The following SNCAIP variants were observed in gnomAD, a reference collection of about 807,000 sequenced individuals.
The protein encoded by SNCAIP is synphilin-1.
In SNCAIP, 43 loss-of-function variants were observed where a neutral mutation model predicts 86.7. That is an observed-to-expected ratio of 0.50 (90% CI 0.39 to 0.64). SNCAIP has a LOEUF of 0.64. Among genes scored for constraint, SNCAIP ranks in the 30% least tolerant of loss-of-function variants. SNCAIP has a pLI of 0.00. For missense variants in SNCAIP, 981 were observed against 1,103.1 expected, an observed-to-expected ratio of 0.89 and a Z score of 1.57; for synonymous variants, 417 against 427.2, an observed-to-expected ratio of 0.98 and a Z score of 0.29.
At chr5:122,411,449 A>AGTT in intron 3 of SNCAIP, among the ~76,000 whole-genome samples, 1 of 152,138 alleles carries the variant, frequency 6.6e-6, no homozygotes, top group Non-Finnish European at 1.5e-5. Flanking sequence ...ACAGCACCCC[A>AGTT]GTTCTTCCTG....
At chr5:122,373,872 C>T (rs573945174) in intron 1 of SNCAIP, among the ~76,000 whole-genome samples, 1 of 152,240 alleles carries the variant, frequency 6.6e-6, no homozygotes, top group Non-Finnish European at 1.5e-5. Flanking sequence ...CAAGCCTGGA[C>T]CAACAGAAGC....
At position 122,364,705 on chromosome 5, in the gene SNCAIP, T is replaced by A. The variant is rs1231341023; in HGVS notation, c.-46-26384T>A. Among the ~76,000 whole-genome samples the A allele has an allele frequency of 5.3e-5, 8 of 151,956 alleles. No homozygotes were observed. The East Asian group carries it at 5.8e-4, about 11-fold the overall frequency. On this transcript the variant is annotated intron_variant, in intron 1 of 10. Coordinates refer to ENST00000261368, the MANE Select transcript of SNCAIP (RefSeq NM_005460.4). ...AGGCCAAGTTGCTTTCATGTAAAAA[T>A]TTTTTTTTCATTAATTTCATTTTCT...
intron 2 of SNCAIP, among the ~76,000 whole-genome samples, chr5:122,394,089 T>C (rs935874162): frequency 7.4e-6 from 1 of 135,486 alleles, no homozygotes; most frequent in Non-Finnish European, 1.5e-5. Context: ...TGCAATTTTC[T>C]TTTTTTTTTT....
chr5:122,402,884 A>G (rs1772123127), intron 2 of SNCAIP, among the ~76,000 whole-genome samples: 1 of 152,236 alleles, frequency 6.6e-6, no homozygotes, highest in Non-Finnish European at 1.5e-5. Context: ...AAAAAGCAAA[A>G]TAGTTTCAGG....
intron 2 of SNCAIP, among the ~76,000 whole-genome samples, chr5:122,396,766 G>A (rs889623624): frequency 6.6e-6 from 1 of 152,144 alleles, no homozygotes; most frequent in African/African-American, 2.4e-5. Context: ...ATTCTTGGCA[G>A]TGAGTCCTTG....
Position 122,451,457 on chromosome 5 carries a change from A to G in SNCAIP, c.2610A>G (p.Thr870=). 1.2e-6 allele frequency: 2 copies of G among 1,614,000 alleles called. No homozygotes were observed. Among genetic ancestry groups the G allele is most frequent in the Non-Finnish European group, 1.7e-6 (2 of 1,179,996 alleles). The change falls in exon 10 of 11, where the codon ACA becomes ACG. Residue 870 remains threonine, a synonymous_variant. Transcript: ENST00000261368. ...PFGAFRSIME[T]LSGNQNNNNN... is the part of the protein sequence containing the mutation. ...GAGCCTTTCGATCTATCATGGAGACACTAAGTGGCAACCAAAACAATAATA... is the reference window on the plus strand; with the variant it reads ...GAGCCTTTCGATCTATCATGGAGACGCTAAGTGGCAACCAAAACAATAATA...
chr5:122,363,396 G>T (rs1762563143), intron 1 of SNCAIP, among the ~76,000 whole-genome samples: 1 of 152,130 alleles, frequency 6.6e-6, no homozygotes, highest in African/African-American at 2.4e-5. Context: ...AGTTGGCATT[G>T]CTCCCTGGAA....
chr5:122,398,668 T>G (rs1005520829), intron 2 of SNCAIP, among the ~76,000 whole-genome samples: 2 of 152,110 alleles, frequency 1.3e-5, no homozygotes, highest in Non-Finnish European at 2.9e-5. Context: ...TTATGGGGCC[T>G]TAGTAGTTTG....
chr5:122,430,504 C>T (rs899603912), intron 5 of SNCAIP, among the ~76,000 whole-genome samples: 6 of 152,056 alleles, frequency 3.9e-5, no homozygotes, highest in East Asian at 3.9e-4. Flanking sequence ...AATTGAGTAT[C>T]GGATAGGTAA....
chr5:122,364,210 A>C (rs889110234), intron 1 of SNCAIP, among the ~76,000 whole-genome samples: 5 of 152,152 alleles, frequency 3.3e-5, no homozygotes, highest in African/African-American at 1.2e-4. Context: ...TGAAAAGGGG[A>C]TGCATGAATA....
chr5:122,396,589 TTTACTAAACATTAA>T (rs1308839710), intron 2 of SNCAIP, among the ~76,000 whole-genome samples: 1 of 152,194 alleles, frequency 6.6e-6, no homozygotes, highest in South Asian at 2.1e-4. Context: ...TCAACAAGCA[TTTACTAAACATTAA>T]CAGAGTATCA....
intron 1 of SNCAIP, among the ~76,000 whole-genome samples, chr5:122,347,077 A>T (rs1049468303): frequency 1.3e-5 from 2 of 152,092 alleles, no homozygotes; most frequent in African/African-American, 4.8e-5. Context: ...TGAGTGAGCT[A>T]ATCTTTATCA....
chr5:122,434,555 T>A (rs1779007175), intron 6 of SNCAIP, among the ~76,000 whole-genome samples: 1 of 152,180 alleles, frequency 6.6e-6, no homozygotes, highest in Non-Finnish European at 1.5e-5. Flanking sequence ...AACGTTTGCT[T>A]CATGCTAGTG....
At chr5:122,346,223 G>T (rs945472541) in intron 1 of SNCAIP, among the ~76,000 whole-genome samples, 1 of 152,120 alleles carries the variant, frequency 6.6e-6, no homozygotes, top group Non-Finnish European at 1.5e-5. Flanking sequence ...GTCCAGTGCA[G>T]CCAGGCCGTA....
At chr5:122,433,829 C>T (rs546394985) in intron 6 of SNCAIP, among the ~76,000 whole-genome samples, 12 of 152,288 alleles carry the variant, frequency 7.9e-5, no homozygotes, top group Middle Eastern at 3.4e-3. Flanking sequence ...AATAAATACA[C>T]ATTCTGTAGA....
chr5:122,451,714 A>T (rs1783725912), intron 10 of SNCAIP, 113 bp downstream of exon 10: 3 of 813,422 alleles, frequency 3.7e-6, no homozygotes, highest in East Asian at 5.3e-5. Flanking sequence ...GAAAAAAAAA[A>T]ATCCAAAGGG....
chr5:122,366,764 A>T (rs1319649844), intron 1 of SNCAIP, among the ~76,000 whole-genome samples: 2 of 152,102 alleles, frequency 1.3e-5, no homozygotes, highest in African/African-American at 4.8e-5. Flanking sequence ...GACTTAACGG[A>T]GTTGCGGCCA....
At chr5:122,336,221 A>G (rs555806008) in intron 1 of SNCAIP, among the ~76,000 whole-genome samples, 1 of 152,364 alleles carries the variant, frequency 6.6e-6, no homozygotes, top group Admixed American at 6.5e-5. Context: ...ACAGATACAC[A>G]GAATGAGACA....
intron 3 of SNCAIP, among the ~76,000 whole-genome samples, chr5:122,405,064 A>G (rs1443433744): frequency 2.6e-5 from 4 of 152,214 alleles, no homozygotes; most frequent in Non-Finnish European, 5.9e-5. Context: ...TCTTATAAGG[A>G]TGTGTCTTCT....
Sources: gnomAD v4.1 joint callset for allele counts (sites outside exome capture counted in the v4.1 genomes callset) on GRCh38, gnomAD v4.1.1 for gene constraint, MANE v1.5 for transcripts, NCBI Gene and HGNC (gene_info 2026-07-23, HGNC 2026-07-21) for gene names.